BICRAL: variants seen among roughly 807,000 people sequenced by gnomAD.
BICRAL encodes BICRA like chromatin remodeling complex associated protein.
A neutral mutation model predicts 91.8 loss-of-function variants in BICRAL; 8 were observed. That is an observed-to-expected ratio of 0.09 (90% confidence interval 0.05 to 0.16). BICRAL has a LOEUF of 0.16. BICRAL is among the 10% of genes least tolerant of loss of function. BICRAL has a pLI of 1.00. For synonymous variants in BICRAL, 445 were observed against 491.1 expected, an observed-to-expected ratio of 0.91 and a Z score of 1.24; for missense variants, 1,038 against 1,310.9, an observed-to-expected ratio of 0.79 and a Z score of 3.21.
rs376733606 is a variant in BICRAL at position 42,857,166 on chromosome 6, T to C, written c.2184T>C (p.Asp728=). 7 of 1,613,298 alleles carry C rather than the reference T, an allele frequency of 4.3e-6. No individual in the cohort carries two copies. The highest frequency in any genetic ancestry group is 5.9e-6 in the Non-Finnish European group (7 of 1,179,426). ...PDKSHFRSLS[D]AVQRLLSYHV... ...AAAGTCACTTCCGATCACTAAGTGA[T>C]GCGGTACAGAGACTGCTCTCCTACC... The change falls in exon 10 of 13, where the codon GAT becomes GAC. Residue 728 remains aspartate (D), a synonymous_variant. Transcript: ENST00000314073.
At chr6:42,859,234 C>CA (rs1240091849) in intron 10 of BICRAL, among the ~76,000 whole-genome samples, 2 of 151,586 alleles carry the variant, frequency 1.3e-5, no homozygotes, top group African/African-American at 2.4e-5. Context: ...ACTAAAAATA[C>CA]AAAAAAATTA....
chr6:42,797,911 G>A (rs530936224), intron 1 of BICRAL, among the ~76,000 whole-genome samples: 22 of 152,210 alleles, frequency 1.4e-4, no homozygotes, highest in African/African-American at 5.1e-4. Flanking sequence ...GGGAGGCAGA[G>A]GTTTCAGTGA....
At chr6:42,830,302 A>G (rs1764437241) in intron 6 of BICRAL, 130 bp downstream of exon 6, 3 of 908,338 alleles carry the variant, frequency 3.3e-6, no homozygotes, top group South Asian at 3.4e-5. Context: ...GTAGTGGCTC[A>G]TGCCTGTAAT....
intron 1 of BICRAL, among the ~76,000 whole-genome samples, chr6:42,791,071 A>T (rs1050977685): frequency 2.0e-5 from 3 of 151,830 alleles, no homozygotes; most frequent in Non-Finnish European, 4.4e-5. Context: ...AGTTGAGGAG[A>T]GCTCAGGGGC....
intron 1 of BICRAL, among the ~76,000 whole-genome samples, chr6:42,784,001 C>T (rs1763025864): frequency 6.6e-6 from 1 of 152,136 alleles, no homozygotes; most frequent in African/African-American, 2.4e-5. Context: ...TGTCTGTCTG[C>T]CTTCCGGTAG....
At chr6:42,845,910 A>T (rs940558749) in intron 6 of BICRAL, among the ~76,000 whole-genome samples, 1 of 149,644 alleles carries the variant, frequency 6.7e-6, no homozygotes, top group African/African-American at 2.5e-5. Context: ...AAAAATACAA[A>T]AAAAAAAAAA....
upstream of BICRAL, among the ~76,000 whole-genome samples, chr6:42,781,596 GGTGTGTGTGTGT>G (rs61437847): frequency 1.9e-5 from 2 of 103,478 alleles, no homozygotes; most frequent in East Asian, 5.5e-4. Context: ...TGGGTGGGTG[GGTGTGTGTGTGT>G]GTGTGTGTGT....
rs1480312677 is a variant in BICRAL, at chr6:42,788,291, C to T, written c.-102+6190C>T. ...CCAGGCTGGAGTGCAGTGGCGCAAT[C>T]TCAGCTCACTGCAACCTCCACCTCT... On this transcript the variant is annotated intron_variant, in intron 1 of 12. Transcript: ENST00000314073. Among the ~76,000 whole-genome samples the T allele has an allele frequency of 2.1e-5, 3 of 140,240 alleles. No homozygotes were observed. In the East Asian group the frequency reaches 6.5e-4, roughly 30 times the overall value. The allele number at this position is 140,240 out of a possible 152,430, so 92.0% of individuals were successfully genotyped here.
At chr6:42,775,081 T>A (rs972145597) in intron 1 of BICRAL, among the ~76,000 whole-genome samples, 6 of 152,194 alleles carry the variant, frequency 3.9e-5, no homozygotes, top group African/African-American at 1.4e-4. Context: ...TACAGGTGCA[T>A]GCCACCACAC....
intron 6 of BICRAL, among the ~76,000 whole-genome samples, chr6:42,830,847 G>A (rs1764455619): frequency 6.6e-6 from 1 of 152,132 alleles, no homozygotes; most frequent in African/African-American, 2.4e-5. Context: ...GAACTCCTGG[G>A]CTCAAGAAAT....
At chr6:42,765,720 G>A (rs941360806) in intron 1 of BICRAL, among the ~76,000 whole-genome samples, 2 of 152,260 alleles carry the variant, frequency 1.3e-5, no homozygotes, top group African/African-American at 4.8e-5. Flanking sequence ...TTCATGTATC[G>A]TACAAGTGGG....
chr6:42,857,100 G>T lies in BICRAL; in HGVS notation c.2118G>T (p.Gln706His). 1 of 1,612,074 alleles carries T rather than the reference G, an allele frequency of 6.2e-7. No individual in the cohort carries two copies. The highest frequency in any genetic ancestry group is 8.5e-7 in the Non-Finnish European group (1 of 1,178,938). ...CATTTCCCTTGTAAAGCATTCTCCA[G>T]CAGTTGCAGAGGGACCAAGCCCACA... ...KQLTKGAFILQQLQRDQAHTV... is the reference protein window; with the variant it reads ...KQLTKGAFILHQLQRDQAHTV... Residue 706 changes from glutamine to histidine, a missense_variant, in exon 10 of 13, where the codon CAG (glutamine) becomes CAT (histidine). Physicochemically the swap from Gln to His is conservative, Grantham distance 24. Transcript: ENST00000314073.
intron 6 of BICRAL, among the ~76,000 whole-genome samples, chr6:42,847,460 C>T (rs980979172): frequency 1.3e-5 from 2 of 151,872 alleles, no homozygotes; most frequent in Non-Finnish European, 2.9e-5. Context: ...TTTAGCTTAT[C>T]GATATTGATG....
At chr6:42,805,868 G>T (rs1763690573) in intron 1 of BICRAL, among the ~76,000 whole-genome samples, 1 of 152,058 alleles carries the variant, frequency 6.6e-6, no homozygotes, top group Admixed American at 6.6e-5. Flanking sequence ...CAGGTGTGCT[G>T]GCGGGCACCT....
chr6:42,759,724 C>T (rs891650491), intron 1 of BICRAL, among the ~76,000 whole-genome samples: 1 of 152,166 alleles, frequency 6.6e-6, no homozygotes, highest in South Asian at 2.1e-4. Flanking sequence ...AAGGCACTTG[C>T]CTCCTACAAG....
chr6:42,767,791 A>C (rs767096832), intron 1 of BICRAL, among the ~76,000 whole-genome samples: 96 of 152,194 alleles, frequency 6.3e-4, no homozygotes, highest in Non-Finnish European at 1.3e-3. Flanking sequence ...AGTACAGAGG[A>C]AACAGGAGGG....
At chr6:42,766,763 G>A (rs1043822614) in intron 1 of BICRAL, among the ~76,000 whole-genome samples, 13 of 152,014 alleles carry the variant, frequency 8.6e-5, no homozygotes, top group South Asian at 4.1e-4. Context: ...TGATTGTGCC[G>A]GGTGCCGTGG....
At chr6:42,852,239 CG>C (rs1317605111) in intron 7 of BICRAL, 42 bp downstream of exon 7, 2 of 1,125,706 alleles carry the variant, frequency 1.8e-6, no homozygotes, top group African/African-American at 3.1e-5. Context: ...CCCAACACCA[CG>C]GGATGCTCTT....
rs1220526913 is a variant in BICRAL, at chr6:42,845,205, T to G, written c.1840-6887T>G. Among the ~76,000 whole-genome samples, 71 of 29,098 alleles carry G rather than the reference T, an allele frequency of 2.4e-3. 6 individuals are homozygous for G. The highest frequency in any genetic ancestry group is 6.1e-3 in the South Asian group (5 of 826). The allele number at this position is 29,098 out of a possible 152,430, so 19.1% of individuals were successfully genotyped here. A position where few individuals can be genotyped will look rare whatever the true frequency, so the allele number is the denominator to read the frequency against. On this transcript the variant is annotated intron_variant, in intron 6 of 12. Transcript: ENST00000314073. ...TTTTGTTTTTTGGGTGTTTTTTTTT[T>G]TTTTTTTTTTTTTTTTTTTTTTTTT...
Sources: allele counts gnomAD v4.1 joint callset (sites outside exome capture counted in the v4.1 genomes callset), GRCh38; gene constraint gnomAD v4.1.1; transcripts MANE v1.5; gene names NCBI Gene and HGNC (gene_info 2026-07-23, HGNC 2026-07-21).